Variants in FER observed in about 807,000 individuals in gnomAD.
The protein encoded by FER is tyrosine-protein kinase Fer.
In FER, 63 loss-of-function variants were observed where a neutral mutation model predicts 111.0. The ratio of observed to expected loss-of-function variants is 0.57; its 90% CI spans 0.46 to 0.70. The LOEUF is 0.70. FER is among the 30% of genes least tolerant of loss of function. The pLI, the probability that FER is intolerant of heterozygous loss-of-function variation, is 0.00. For synonymous variants in FER, 327 were observed against 313.9 expected, an observed-to-expected ratio of 1.04 and a Z score of -0.44; for missense variants, 914 against 954.0, an observed-to-expected ratio of 0.96 and a Z score of 0.55.
intron 17 of FER, among the ~76,000 whole-genome samples, chr5:109,143,881 A>G (rs948195617): frequency 7.3e-5 from 11 of 150,428 alleles, no homozygotes; most frequent in Non-Finnish European, 1.5e-4. Context: ...TAAAATATAT[A>G]TATATCTATC....
chr5:109,076,493 A>C (rs939632627), intron 16 of FER, among the ~76,000 whole-genome samples: 2 of 152,014 alleles, frequency 1.3e-5, no homozygotes, highest in Non-Finnish European at 2.9e-5. Context: ...GCAGTGGTGT[A>C]ATCATGGCAC....
intron 16 of FER, among the ~76,000 whole-genome samples, chr5:109,075,284 T>TAATTACATGGTA (rs1776192993): frequency 6.6e-6 from 1 of 152,232 alleles, no homozygotes; most frequent in Admixed American, 6.5e-5. Flanking sequence ...TTTCTGTTGT[T>TAATTACATGGTA]ATCTAAGCAT....
intron 17 of FER, among the ~76,000 whole-genome samples, chr5:109,107,033 G>C (rs1481460765): frequency 6.6e-6 from 1 of 152,170 alleles, no homozygotes; most frequent in Non-Finnish European, 1.5e-5. Context: ...GAAAGTCCTT[G>C]AGAGTGAGAG....
chr5:108,834,698 C>CA (rs758205074), intron 4 of FER, among the ~76,000 whole-genome samples: 1,038 of 51,050 alleles, frequency 0.02, 13 homozygotes, highest in East Asian at 0.058. Flanking sequence ...GATTCTGTCT[C>CA]AAAAAAAAAA....
chr5:108,844,605 A>C (rs766236425), intron 5 of FER, among the ~76,000 whole-genome samples: 1 of 151,868 alleles, frequency 6.6e-6, no homozygotes, highest in Non-Finnish European at 1.5e-5. Flanking sequence ...CATGTCTTTC[A>C]CCCCTGAAAA....
chr5:109,006,775 A>G (rs1421222700), intron 13 of FER, among the ~76,000 whole-genome samples: 2 of 152,140 alleles, frequency 1.3e-5, no homozygotes, highest in Non-Finnish European at 2.9e-5. Flanking sequence ...TCATTTTACC[A>G]CAAATGTCCT....
chr5:109,136,746 T>A (rs1228184517), intron 17 of FER, among the ~76,000 whole-genome samples: 1 of 152,080 alleles, frequency 6.6e-6, no homozygotes, highest in Admixed American at 6.6e-5. Flanking sequence ...TTTTTTTCAC[T>A]ACCATGCAAA....
chr5:108,911,604 G>A (rs572553515), intron 10 of FER, among the ~76,000 whole-genome samples: 8 of 152,044 alleles, frequency 5.3e-5, no homozygotes, highest in African/African-American at 1.4e-4. Context: ...TCAGGTTTAC[G>A]TTTGAGTCTT....
chr5:108,782,241 T>A (rs138277841), intron 2 of FER, among the ~76,000 whole-genome samples: 267 of 152,262 alleles, frequency 1.8e-3, no homozygotes, highest in African/African-American at 6.1e-3. Flanking sequence ...ATTTTTCAGT[T>A]TGTTTAGCTT....
rs2229086 is a variant in FER at position 108,946,208 on chromosome 5, C to T, written c.1315C>T (p.Leu439=). ...AGIIRSPKSA[L]GSSALSDMIS... ...AATAATTAGGTCTCCAAAATCTGCACTGGGCTCTTCAGCAGTAAGTAGGAT... is the reference window on the plus strand; with the variant it reads ...AATAATTAGGTCTCCAAAATCTGCATTGGGCTCTTCAGCAGTAAGTAGGAT... Residue 439 remains leucine (L), a synonymous_variant, in exon 11 of 20, where the codon CTG becomes TTG. Transcript: ENST00000281092. 1.2e-6 allele frequency: 2 copies of T among 1,610,934 alleles called. No individual in the cohort carries two copies. Among genetic ancestry groups the T allele is most frequent in the African/African-American group, 2.7e-5 (2 of 74,834 alleles).
At chr5:109,035,715 C>T (rs1019931120) in intron 13 of FER, among the ~76,000 whole-genome samples, 7 of 152,142 alleles carry the variant, frequency 4.6e-5, no homozygotes, top group Admixed American at 4.6e-4. Context: ...AAATTATTTT[C>T]CCAAACGCAA....
Position 109,167,997 on chromosome 5 carries a change from C to G in FER, c.2049-12750C>G, listed in dbSNP as rs75347500. ...CTCAGAGCAAGAGATGACACTGTCTCTTAGCTTAATTATACCAAATGCCTG... is the reference window on the plus strand; with the variant it reads ...CTCAGAGCAAGAGATGACACTGTCTGTTAGCTTAATTATACCAAATGCCTG... On this transcript the variant is annotated intron_variant, in intron 17 of 19. Transcript: ENST00000281092. Among the ~76,000 whole-genome samples, 1,153 of 151,754 alleles carry G rather than the reference C, an allele frequency of 7.6e-3. 9 individuals are homozygous for G. The highest frequency in any genetic ancestry group is 0.021 in the Middle Eastern group (6 of 286).
At chr5:109,018,854 T>C (rs1257059045) in intron 13 of FER, among the ~76,000 whole-genome samples, 1 of 151,616 alleles carries the variant, frequency 6.6e-6, no homozygotes, top group East Asian at 1.9e-4. Flanking sequence ...TCCCAAGCCC[T>C]TGTTTGGACA....
chr5:109,070,657 G>T (rs1284224653), intron 16 of FER, among the ~76,000 whole-genome samples: 1 of 151,946 alleles, frequency 6.6e-6, no homozygotes, highest in African/African-American at 2.4e-5. Context: ...GCTCTAGTCA[G>T]TATGATTTAG....
At chr5:108,901,119 T>C (rs1160638619) in intron 10 of FER, among the ~76,000 whole-genome samples, 3 of 151,266 alleles carry the variant, frequency 2.0e-5, no homozygotes, top group Admixed American at 6.6e-5. Flanking sequence ...TTCTTTTCCT[T>C]TGGAGGATGC....
intron 13 of FER, among the ~76,000 whole-genome samples, chr5:108,975,038 G>C (rs893349472): frequency 1.3e-5 from 2 of 152,162 alleles, no homozygotes; most frequent in Non-Finnish European, 2.9e-5. Flanking sequence ...TAAAGAAAAT[G>C]TGGCACATAT....
intron 17 of FER, among the ~76,000 whole-genome samples, chr5:109,107,226 A>G (rs933670857): frequency 6.6e-6 from 1 of 152,224 alleles, no homozygotes; most frequent in Non-Finnish European, 1.5e-5. Context: ...GAATGTCAAA[A>G]AAGTGATCTT....
At chr5:108,779,145 A>G (rs984213797) in intron 2 of FER, among the ~76,000 whole-genome samples, 1 of 151,724 alleles carries the variant, frequency 6.6e-6, no homozygotes, top group African/African-American at 2.4e-5. Context: ...TATACTCTCT[A>G]TTCTGTTCTA....
intron 14 of FER, among the ~76,000 whole-genome samples, chr5:109,044,323 C>T (rs1306366881): frequency 1.3e-5 from 2 of 151,812 alleles, no homozygotes; most frequent in Non-Finnish European, 2.9e-5. Flanking sequence ...GGACTACAGG[C>T]GCCCGCCACC....
Sources: allele counts gnomAD v4.1 joint callset (sites outside exome capture counted in the v4.1 genomes callset), GRCh38; gene constraint gnomAD v4.1.1; transcripts MANE v1.5; gene names NCBI Gene and HGNC (gene_info 2026-07-23, HGNC 2026-07-21).